The following USP20 variants were observed in gnomAD, a reference collection of about 807,000 sequenced individuals.
The protein encoded by USP20 is ubiquitin carboxyl-terminal hydrolase 20.
Under a neutral mutation model 124.2 loss-of-function variants are expected in USP20, and 80 were observed. That is an observed-to-expected ratio of 0.64 (90% confidence interval 0.54 to 0.78). The LOEUF (loss-of-function observed/expected upper bound fraction) is 0.78. Ranked by LOEUF, USP20 falls within the 30% of genes least tolerant of loss-of-function variation. The probability of loss-of-function intolerance (pLI) is 0.00; values close to 1 mark genes in which losing one functional copy is unlikely to be tolerated. For synonymous variants in USP20, 481 were observed against 512.3 expected (o/e 0.94, Z 0.83); for missense variants, 1,043 against 1,244.4 (o/e 0.84, Z 2.44).
chr9:129,870,824 T>C (rs1438317799), intron 15 of USP20, among the ~76,000 whole-genome samples: 1 of 152,244 alleles, frequency 6.6e-6, no homozygotes, highest in East Asian at 1.9e-4. Flanking sequence ...ATGTTAATTT[T>C]TCATTTCCTT....
chr9:129,864,773 CAAAAA>C (rs34547264), intron 9 of USP20, among the ~76,000 whole-genome samples: 3 of 85,732 alleles, frequency 3.5e-5, no homozygotes, highest in Non-Finnish European at 7.3e-5. Context: ...GACTCTGTCC[CAAAAA>C]AAAAAAAAAA....
Position 129,852,574 on chromosome 9 carries a change from CT to C in USP20, c.22del (p.Cys8AlafsTer7), listed in dbSNP as rs1279833142. On this transcript the variant is annotated frameshift_variant, in exon 3 of 26. Coordinates refer to ENST00000372429, the MANE Select transcript of USP20 (RefSeq NM_001110303.4). LOFTEE classifies it high-confidence loss of function. MGDSRD[L>X]CPHLDSIGEV... The stretch of plus-strand genomic sequence containing the variant: ...GGCCAGGATGGGGGACTCCAGGGAC[CT>C]TTGCCCTCACCTTGACTCCATAGGA... The C allele has an allele frequency of 6.3e-7, 1 of 1,598,478 alleles. No homozygotes were observed. Among genetic ancestry groups the C allele is most frequent in the Non-Finnish European group, 8.5e-7 (1 of 1,171,868 alleles).
At chr9:129,843,303 T>G (rs57312895) in intron 1 of USP20, among the ~76,000 whole-genome samples, 23,608 of 151,864 alleles carry the variant, frequency 0.16, 2,272 homozygotes, top group African/African-American at 0.26. Flanking sequence ...GATGGTGGAT[T>G]CCTGTAATCC....
Position 129,868,109 on chromosome 9 carries a change from G to A in USP20, c.795G>A (p.Ser265=), listed in dbSNP as rs200118285. The change falls in exon 11 of 26, where the codon TCG becomes TCA. Residue 265 remains serine, a synonymous_variant. Coordinates refer to ENST00000372429, the MANE Select transcript of USP20 (RefSeq NM_001110303.4). ...TGACGGAGGCTCGGGACTCAGATTC[G>A]AGTGACACGGATGAGAAACGGGAGG... is the stretch of plus-strand genomic sequence containing the variant. ...VALTEARDSD[S]SDTDEKREGD... is the part of the protein sequence containing the mutation. The A allele has an allele frequency of 6.7e-5, 108 of 1,614,174 alleles. No individual in the cohort carries two copies. In the Middle Eastern group the frequency reaches 1.6e-3, roughly 25 times the overall value.
intron 12 of USP20, 35 bp downstream of exon 12, chr9:129,869,037 G>T (rs1455682529): frequency 5.7e-6 from 9 of 1,579,782 alleles, no homozygotes; most frequent in Non-Finnish European, 7.8e-6. Flanking sequence ...TCAGCTTGAG[G>T]CTGGGAGTAC....
At chr9:129,878,241 G>A in intron 22 of USP20, 97 bp from the exon 23 acceptor site, 3 of 957,780 alleles carry the variant, frequency 3.1e-6, no homozygotes, top group Non-Finnish European at 4.9e-6. Flanking sequence ...AGACTCTTGG[G>A]TGAGGGACTG....
chr9:129,873,327 G>A (rs1170229179), intron 15 of USP20, among the ~76,000 whole-genome samples, 155 bp from the exon 16 acceptor site: 3 of 151,842 alleles, frequency 2.0e-5, no homozygotes. Flanking sequence ...CAGGGGATCC[G>A]CCCGCCTCGG....
intron 8 of USP20, 71 bp from the exon 9 acceptor site, chr9:129,863,115 A>G (rs1373185443): frequency 1.1e-5 from 14 of 1,274,038 alleles, no homozygotes; most frequent in Admixed American, 2.3e-5. Flanking sequence ...GCTCCCCGCT[A>G]TGCAGCCCTT....
chr9:129,854,122 C>A (rs1314893015), intron 3 of USP20, among the ~76,000 whole-genome samples: 1 of 152,138 alleles, frequency 6.6e-6, no homozygotes, highest in East Asian at 1.9e-4. Flanking sequence ...AGGATGATAC[C>A]ATTTTGCAGA....
At chr9:129,877,164 A>G (rs141614619) in intron 22 of USP20, among the ~76,000 whole-genome samples, 45 of 152,168 alleles carry the variant, frequency 3.0e-4, no homozygotes, top group Non-Finnish European at 5.1e-4. Flanking sequence ...GACGTGTTCC[A>G]CTCACAGGGA....
rs1265315955 is a variant in USP20, at chr9:129,879,942, G to C, written c.2585-171G>C. Among the ~76,000 whole-genome samples the C allele has an allele frequency of 6.6e-6, 1 of 152,164 alleles. No homozygotes were observed. The highest frequency in any genetic ancestry group is 6.5e-5 in the Admixed American group (1 of 15,280). On this transcript the variant is annotated intron_variant, in intron 24 of 25. Transcript: ENST00000372429. The surrounding 1 kb of genome is among the most constrained non-coding windows in gnomAD (Gnocchi z 4.2). Reference sequence around the variant, plus strand: ...GATGTGTTATCCGGGGCCCTTAGCGGGATGGACATTCCTCTGGGAAATCCT... The same window carrying C: ...GATGTGTTATCCGGGGCCCTTAGCGCGATGGACATTCCTCTGGGAAATCCT...
intron 2 of USP20, 98 bp downstream of exon 2, chr9:129,850,022 G>GTT (rs11458390): frequency 0.012 from 1,738 of 148,052 alleles, 17 homozygotes; most frequent in Middle Eastern, 0.045. Context: ...TGATTATGGG[G>GTT]TTTTTTTTTT....
chr9:129,875,201 A>T, intron 19 of USP20, 109 bp from the exon 20 acceptor site: 1 of 1,304,514 alleles, frequency 7.7e-7, no homozygotes, highest in African/African-American at 1.5e-5. Flanking sequence ...AGGACCCAGG[A>T]GGTGGTGGAC....
At chr9:129,835,664 C>G (rs367997255) in intron 1 of USP20, 165 bp downstream of exon 1, 1 of 155,954 alleles carries the variant, frequency 6.4e-6, no homozygotes, top group African/African-American at 2.4e-5. Context: ...GCCCCTCTCC[C>G]CTCCTCCGGT....
rs866574347 is a variant in USP20 at position 129,835,491 on chromosome 9, C to G, written c.-137C>G. 3 of 389,908 alleles carry G rather than the reference C, an allele frequency of 7.7e-6. No homozygotes were observed. The East Asian group carries it at 1.5e-4, about 20-fold the overall frequency. The allele number at this position is 389,908 out of a possible 1,614,324, so 24.2% of individuals were successfully genotyped here. ...CTGACAGGCGGCGGCGGCGCAGTTG[C>G]GAGTGCAGGTGAGTTCCGGGCCGCC... On this transcript the variant is annotated 5_prime_UTR_variant, in exon 1 of 26. Transcript: ENST00000372429.
At chr9:129,836,350 C>CT (rs1460692612) in intron 1 of USP20, among the ~76,000 whole-genome samples, 6 of 152,158 alleles carry the variant, frequency 3.9e-5, no homozygotes, top group African/African-American at 1.4e-4. Flanking sequence ...CCCAGCAATC[C>CT]TTTGAGGTAG....
chr9:129,868,791 G>A, intron 11 of USP20, 71 bp from the exon 12 acceptor site: 4 of 1,500,400 alleles, frequency 2.7e-6, no homozygotes, highest in African/African-American at 1.4e-5. Context: ...GGGCTGGCAG[G>A]TCATCTTCCT....
At chr9:129,859,973 AGT>A (rs1383019920) in intron 6 of USP20, among the ~76,000 whole-genome samples, 1 of 152,136 alleles carries the variant, frequency 6.6e-6, no homozygotes, top group Non-Finnish European at 1.5e-5. Context: ...TCAAGGTTGC[AGT>A]GAGCTATAGT....
intron 11 of USP20, 148 bp from the exon 12 acceptor site, chr9:129,868,714 G>A: frequency 5.8e-6 from 8 of 1,386,082 alleles, no homozygotes; most frequent in Non-Finnish European, 7.6e-6. Flanking sequence ...CGGCCTGTGT[G>A]CTGGGGCCAG....
Sources: gnomAD v4.1 joint callset for allele counts (sites outside exome capture counted in the v4.1 genomes callset) on GRCh38, gnomAD v4.1.1 for gene constraint, Gnocchi (gnomAD v3.1) non-coding constraint, MANE v1.5 for transcripts, NCBI Gene and HGNC (gene_info 2026-07-23, HGNC 2026-07-21) for gene names.